The following CDH23 variants were observed in gnomAD, a reference collection of about 807,000 sequenced individuals.
CDH23 encodes cadherin-23.
Under a neutral mutation model 317.1 loss-of-function variants are expected in CDH23, and 189 were observed. That is an observed-to-expected ratio of 0.60 (90% CI 0.53 to 0.67). The LOEUF is 0.67. Ranked by LOEUF, CDH23 falls within the 30% of genes least tolerant of loss-of-function variation. The pLI is 0.00. For missense variants in CDH23, 4,401 were observed against 4,592.4 expected (o/e 0.96, Z 1.20); for synonymous variants, 1,839 against 1,876.8 (o/e 0.98, Z 0.52).
At chr10:71,665,421 C>T (rs931327260) in intron 14 of CDH23, among the ~76,000 whole-genome samples, 2 of 152,220 alleles carry the variant, frequency 1.3e-5, no homozygotes, top group Admixed American at 6.5e-5. Flanking sequence ...TTTGCTTTTA[C>T]AAATGCAAGT....
Position 71,741,856 on chromosome 10 carries a change from C to T in CDH23, c.4780C>T (p.Arg1594Cys), listed in dbSNP as rs200664666. The T allele has an allele frequency of 1.1e-4, 177 of 1,610,918 alleles. No individual in the cohort carries two copies. Among genetic ancestry groups the T allele is most frequent in the Non-Finnish European group, 1.2e-4 (145 of 1,178,918 alleles). ...EIATRPAPPDRERQSFYHLVA... is the reference protein window; with the variant it reads ...EIATRPAPPDCERQSFYHLVA... ...CGCCACACGGCCTGCCCCGCCTGACCGCGAGCGCCAGAGCTTCTACCACCT... is the reference window on the plus strand; with the variant it reads ...CGCCACACGGCCTGCCCCGCCTGACTGCGAGCGCCAGAGCTTCTACCACCT... The change falls in exon 38 of 70, where the codon CGC (arginine) becomes TGC (cysteine). Residue 1594 changes from arginine (R) to cysteine (C), a missense_variant. This residue lies in a region of CDH23 where 3,068 missense variants were observed against 3,203.3 expected (regional missense o/e 0.96). Coordinates refer to ENST00000224721, the MANE Select transcript of CDH23 (RefSeq NM_022124.6).
chr10:71,522,550 A>G (rs1166535059), intron 6 of CDH23, among the ~76,000 whole-genome samples: 1 of 152,150 alleles, frequency 6.6e-6, no homozygotes, highest in Non-Finnish European at 1.5e-5. Context: ...TGTCACTGGG[A>G]AGCTTACTGT....
At chr10:71,604,457 C>T (rs1351067568) in intron 9 of CDH23, among the ~76,000 whole-genome samples, 1 of 152,186 alleles carries the variant, frequency 6.6e-6, no homozygotes. Flanking sequence ...CCTTTTCTCT[C>T]TGCCATCACC....
At chr10:71,761,172 A>G (rs1238062587) in intron 38 of CDH23, among the ~76,000 whole-genome samples, 1 of 152,020 alleles carries the variant, frequency 6.6e-6, no homozygotes, top group South Asian at 2.1e-4. Flanking sequence ...TATCCGAACC[A>G]TGGGCCCTTG....
At position 71,475,319 on chromosome 10, in the gene CDH23, G is replaced by A. The variant is rs143671261; in HGVS notation, c.145+28924G>A. Among the ~76,000 whole-genome samples, 371 of 152,278 alleles carry A rather than the reference G, an allele frequency of 2.4e-3. 2 individuals are homozygous for A. Among genetic ancestry groups the A allele is most frequent in the Non-Finnish European group, 3.9e-3 (265 of 68,018 alleles). Reference sequence around the variant, plus strand: ...GTGTGAGCATCACAGTGGGGAGGGCGGGGTAGGAAGAGAGAAAGCACTTGG... The same window carrying A: ...GTGTGAGCATCACAGTGGGGAGGGCAGGGTAGGAAGAGAGAAAGCACTTGG... On this transcript the variant is annotated intron_variant, in intron 3 of 69. Coordinates refer to ENST00000224721, the MANE Select transcript of CDH23 (RefSeq NM_022124.6).
intron 33 of CDH23, 85 bp downstream of exon 33, chr10:71,734,426 C>A: frequency 6.7e-7 from 1 of 1,492,396 alleles, no homozygotes; most frequent in Non-Finnish European, 9.2e-7. Context: ...GCCAGCCACC[C>A]AATGTATGGG....
chr10:71,455,448 G>A (rs902778764), intron 3 of CDH23, among the ~76,000 whole-genome samples: 2 of 152,098 alleles, frequency 1.3e-5, no homozygotes, highest in African/African-American at 2.4e-5. Flanking sequence ...GTCTAGGATA[G>A]ATAGATTAGA....
At chr10:71,706,679 G>A (rs910760803) in intron 25 of CDH23, among the ~76,000 whole-genome samples, 3 of 152,236 alleles carry the variant, frequency 2.0e-5, no homozygotes, top group African/African-American at 4.8e-5. Flanking sequence ...CAGGGACAGC[G>A]GGAGGGTCTG....
intron 3 of CDH23, among the ~76,000 whole-genome samples, chr10:71,506,857 A>C (rs1853666845): frequency 6.6e-6 from 1 of 152,228 alleles, no homozygotes; most frequent in Non-Finnish European, 1.5e-5. Context: ...GAGCCCATGA[A>C]GAAGCTGAAA....
Position 71,615,635 on chromosome 10 carries a change from C to T in CDH23, c.945+19C>T, listed in dbSNP as rs372878971. 1 of 1,554,978 alleles carries T rather than the reference C, an allele frequency of 6.4e-7. No homozygotes were observed. ...TGTGAAGGTGAGACCTGGGTGGGCA[C>T]CTTCACCCCAGGTAGAGGAGATGCC... On this transcript the variant is annotated intron_variant, in intron 10 of 69. Transcript: ENST00000224721.
chr10:71,789,128 C>T lies in CDH23; in HGVS notation c.5923+86C>T, dbSNP rs530473387. 2,328 of 723,774 alleles carry T rather than the reference C, an allele frequency of 3.2e-3. 8 individuals are homozygous for T. Among genetic ancestry groups the T allele is most frequent in the Non-Finnish European group, 4.9e-3 (1,975 of 400,614 alleles). 44.8% of individuals were successfully genotyped at this position (723,774 alleles called of 1,614,324 possible). A position where few individuals can be genotyped will look rare whatever the true frequency, so the allele number is the denominator to read the frequency against. On this transcript the variant is annotated intron_variant, in intron 45 of 69. Transcript: ENST00000224721. Reference sequence around the variant, plus strand: ...GCCTGAGGACCTCCCTTATGCCTAACGGCATAGCTGAACCTAGACCCCAGT... The same window carrying T: ...GCCTGAGGACCTCCCTTATGCCTAATGGCATAGCTGAACCTAGACCCCAGT...
intron 38 of CDH23, among the ~76,000 whole-genome samples, chr10:71,765,527 G>A (rs1049537003): frequency 2.6e-5 from 4 of 152,220 alleles, no homozygotes; most frequent in Non-Finnish European, 4.4e-5. Flanking sequence ...CAGGGCACCA[G>A]GCTGGGAGCC....
intron 11 of CDH23, among the ~76,000 whole-genome samples, chr10:71,624,706 A>G (rs1378067981): frequency 1.3e-5 from 2 of 151,620 alleles, no homozygotes; most frequent in Non-Finnish European, 2.9e-5. Context: ...TCTCTAAAAG[A>G]AAAGAAAAAG....
chr10:71,762,052 C>A, intron 38 of CDH23: 1 of 1,567,312 alleles, frequency 6.4e-7, no homozygotes, highest in South Asian at 1.2e-5. Flanking sequence ...AGAGCCCTGT[C>A]ACCTGACTGA....
chr10:71,707,497 T>C (rs963758119), intron 26 of CDH23: 1 of 1,079,720 alleles, frequency 9.3e-7, no homozygotes, highest in African/African-American at 1.6e-5. Flanking sequence ...AATGAAATGG[T>C]TTTAGCTCAA....
chr10:71,678,411 G>A (rs186778647), intron 16 of CDH23, among the ~76,000 whole-genome samples: 2 of 152,304 alleles, frequency 1.3e-5, no homozygotes, highest in Non-Finnish European at 2.9e-5. Flanking sequence ...CCTGCAGCAA[G>A]TCCCCCACTA....
rs74826182 is a variant in CDH23, at chr10:71,519,054, A to G, written c.429+7842A>G. 5.6e-3 allele frequency among the ~76,000 whole-genome samples: 855 copies of G among 152,292 alleles called. 38 individuals carry two copies. In the East Asian group the frequency reaches 0.12, roughly 22 times the overall value. On this transcript the variant is annotated intron_variant, in intron 6 of 69. Coordinates refer to ENST00000224721, the MANE Select transcript of CDH23 (RefSeq NM_022124.6). ...ATTATTATTTTGTTTTAATGGTAAT[A>G]ATGTTCTTAATTACATCAGTTTCCT...
At chr10:71,706,776 G>C in intron 25 of CDH23, 121 bp from the exon 26 acceptor site, 1 of 1,462,300 alleles carries the variant, frequency 6.8e-7, no homozygotes, top group Middle Eastern at 2.5e-4. Context: ...ATGCCACTTG[G>C]AGCCCGTGAC....
intron 6 of CDH23, among the ~76,000 whole-genome samples, chr10:71,542,837 A>G (rs539275119): frequency 6.6e-6 from 1 of 152,340 alleles, no homozygotes; most frequent in Non-Finnish European, 1.5e-5. Flanking sequence ...TGGGGGAGGC[A>G]CAGGCTGAGC....
Sources: gnomAD v4.1 joint callset for allele counts (sites outside exome capture counted in the v4.1 genomes callset) on GRCh38, gnomAD v4.1.1 for gene constraint, gnomAD v4.1.1 regional missense constraint, MANE v1.5 for transcripts, NCBI Gene and HGNC (gene_info 2026-07-23, HGNC 2026-07-21) for gene names.